Variants in KLHL32 observed in about 807,000 individuals in gnomAD.
KLHL32 encodes kelch like family member 32.
In KLHL32, 35 loss-of-function variants were observed where a neutral mutation model predicts 64.8. The observed-to-expected ratio is 0.54, with a 90% CI of 0.41 to 0.72. The LOEUF (loss-of-function observed/expected upper bound fraction) is 0.72. Among genes scored for constraint, KLHL32 ranks in the 30% least tolerant of loss-of-function variants. The pLI, the probability that KLHL32 is intolerant of heterozygous loss-of-function variation, is 0.00. For missense variants in KLHL32, 589 were observed against 768.5 expected (o/e 0.77, Z 2.76); for synonymous variants, 259 against 281.0 (o/e 0.92, Z 0.78).
intron 3 of KLHL32, among the ~76,000 whole-genome samples, chr6:97,040,306 T>C (rs1450492476): frequency 6.6e-6 from 1 of 151,562 alleles, no homozygotes; most frequent in African/African-American, 2.4e-5. Flanking sequence ...TAGCATGGGG[T>C]TGTATTTTTT....
chr6:97,038,694 T>A (rs1784653559), intron 3 of KLHL32, among the ~76,000 whole-genome samples: 1 of 151,844 alleles, frequency 6.6e-6, no homozygotes, highest in Non-Finnish European at 1.5e-5. Flanking sequence ...AGTATATATA[T>A]AAATATATCT....
intron 5 of KLHL32, among the ~76,000 whole-genome samples, chr6:97,070,706 G>A (rs1475531661): frequency 6.6e-6 from 1 of 152,098 alleles, no homozygotes; most frequent in African/African-American, 2.4e-5. Context: ...TAAGCTAACT[G>A]TTGTCAGCTG....
At chr6:96,992,201 G>T (rs1224754839) in intron 3 of KLHL32, among the ~76,000 whole-genome samples, 1 of 152,230 alleles carries the variant, frequency 6.6e-6, no homozygotes, top group East Asian at 1.9e-4. Context: ...TGCAGCTGCC[G>T]GTGTCCGGTA....
chr6:97,099,118 A>G (rs1417403735), intron 6 of KLHL32, among the ~76,000 whole-genome samples: 2 of 152,180 alleles, frequency 1.3e-5, no homozygotes, highest in African/African-American at 4.8e-5. Flanking sequence ...GAGTTTCCCC[A>G]CGTCTGTACT....
At chr6:96,919,756 A>G (rs1034769325), upstream of KLHL32, among the ~76,000 whole-genome samples, 4 of 152,210 alleles carry the variant, frequency 2.6e-5, no homozygotes, top group African/African-American at 9.6e-5. Flanking sequence ...ACAGAAAGGT[A>G]GAAAATGAAA....
intron 10 of KLHL32, among the ~76,000 whole-genome samples, chr6:97,137,315 CAA>C (rs1172843889): frequency 6.6e-6 from 1 of 152,048 alleles, no homozygotes; most frequent in African/African-American, 2.4e-5. Context: ...CATCAATTAA[CAA>C]GAGAACAGAG....
intron 3 of KLHL32, 113 bp from the exon 4 acceptor site, chr6:97,041,379 A>C: frequency 1.5e-6 from 1 of 666,650 alleles, no homozygotes; most frequent in Non-Finnish European, 2.7e-6. Flanking sequence ...TTCAAAAATC[A>C]AAATCAATTA....
Position 96,976,141 on chromosome 6 carries a change from C to G in KLHL32, c.168C>G (p.His56Gln). The change falls in exon 3 of 11, where the codon CAC (histidine) becomes CAG (glutamine). Residue 56 changes from histidine (H) to glutamine (Q), a missense_variant. Transcript: ENST00000369261. ...LIAEEQKFHA[H>Q]KAVLAACSDY... ...CTGAGGAACAGAAATTCCATGCTCA[C>G]AAGGCAGTCCTAGCAGCATGCAGTG... is the stretch of plus-strand genomic sequence containing the variant. 6.2e-7 allele frequency: 1 copy of G among 1,602,908 alleles called. No homozygotes were observed. The highest frequency in any genetic ancestry group is 8.5e-7 in the Non-Finnish European group (1 of 1,172,282).
upstream of KLHL32, chr6:96,924,620 G>A (rs1768901667): frequency 1.3e-5 from 2 of 152,048 alleles, no homozygotes; most frequent in Non-Finnish European, 2.9e-5. Context: ...GGAGCCCTGT[G>A]GCGTCTGAAC....
At position 97,130,855 on chromosome 6, in the gene KLHL32, A is replaced by G; in HGVS notation, c.1512A>G (p.Leu504=). 1 of 1,614,150 alleles carries G rather than the reference A, an allele frequency of 6.2e-7. No homozygotes were observed. The highest frequency in any genetic ancestry group is 1.7e-5 in the Admixed American group (1 of 60,026). Residue 504 remains leucine (L), a synonymous_variant, in exon 9 of 11, where the codon CTA becomes CTG. Transcript: ENST00000369261. ...RKLYVLGGND[L]DYNNDRILVR... is the part of the protein sequence containing the mutation. Reference sequence around the variant, plus strand: ...TTTATGTTCTTGGAGGCAATGACCTAGACTACAATAATGACCGGATCCTTG... The same window carrying G: ...TTTATGTTCTTGGAGGCAATGACCTGGACTACAATAATGACCGGATCCTTG...
At chr6:97,118,665 G>T (rs899816382) in intron 7 of KLHL32, among the ~76,000 whole-genome samples, 1 of 119,640 alleles carries the variant, frequency 8.4e-6, no homozygotes, top group Admixed American at 8.2e-5. Context: ...GGAACTAACA[G>T]CAGGCATAGC....
intron 1 of KLHL32, among the ~76,000 whole-genome samples, chr6:96,938,280 A>C (rs1770854995): frequency 6.6e-6 from 1 of 152,032 alleles, no homozygotes; most frequent in Non-Finnish European, 1.5e-5. Context: ...TGGAAAAAAA[A>C]ACAAATGTGT....
intron 5 of KLHL32, among the ~76,000 whole-genome samples, chr6:97,072,879 A>C (rs1790969869): frequency 6.6e-6 from 1 of 152,110 alleles, no homozygotes; most frequent in Non-Finnish European, 1.5e-5. Context: ...CCAAGACATA[A>C]GTTTATGTCC....
At chr6:96,976,597 T>A (rs1775722412) in intron 3 of KLHL32, among the ~76,000 whole-genome samples, 1 of 152,168 alleles carries the variant, frequency 6.6e-6, no homozygotes, top group African/African-American at 2.4e-5. Context: ...TTTTGTTTTG[T>A]TTTGTTTTGT....
intron 7 of KLHL32, among the ~76,000 whole-genome samples, chr6:97,121,683 T>A (rs1476858987): frequency 6.6e-6 from 1 of 152,188 alleles, no homozygotes; most frequent in Non-Finnish European, 1.5e-5. Context: ...ACAAAACTCT[T>A]CTCACGGAGA....
intron 3 of KLHL32, 53 bp downstream of exon 3, chr6:96,976,230 A>G (rs1775676198): frequency 8.3e-6 from 12 of 1,451,630 alleles, no homozygotes; most frequent in Non-Finnish European, 1.0e-5. Flanking sequence ...GAGGATGACA[A>G]TGTTTCCCAA....
rs376842514 is a variant in KLHL32 at position 97,139,255 on chromosome 6, G to A, written c.1836G>A (p.Val612=). 5.6e-6 allele frequency: 9 copies of A among 1,613,764 alleles called. No individual in the cohort carries two copies. The highest frequency in any genetic ancestry group is 7.6e-6 in the Non-Finnish European group (9 of 1,179,890). The change falls in exon 11 of 11, where the codon GTG becomes GTA. Residue 612 remains valine, a synonymous_variant. Coordinates refer to ENST00000369261, the MANE Select transcript of KLHL32 (RefSeq NM_052904.4). ...FTCPNLQTLQ[V]PHHRIGTI ...GCCCTAACCTTCAAACTCTTCAAGT[G>A]CCTCATCACAGGATTGGCACCATCT... is the stretch of plus-strand genomic sequence containing the variant.
chr6:96,970,818 TTTATAAA>T (rs1157593114), intron 2 of KLHL32, among the ~76,000 whole-genome samples: 1 of 152,330 alleles, frequency 6.6e-6, no homozygotes, highest in East Asian at 1.9e-4. Context: ...TTTTAAAGTG[TTTATAAA>T]TTATAAAGTG....
chr6:97,088,322 G>A (rs1234823993), intron 6 of KLHL32, among the ~76,000 whole-genome samples: 3 of 152,166 alleles, frequency 2.0e-5, no homozygotes, highest in Non-Finnish European at 2.9e-5. Flanking sequence ...AAAGAAAGGA[G>A]ACTAAAACTG....
Sources: gnomAD v4.1 joint callset for allele counts (sites outside exome capture counted in the v4.1 genomes callset) on GRCh38, gnomAD v4.1.1 for gene constraint, MANE v1.5 for transcripts, NCBI Gene and HGNC (gene_info 2026-07-23, HGNC 2026-07-21) for gene names.